The following DNAJB1 variants were observed in gnomAD, a reference collection of about 807,000 sequenced individuals.
The protein encoded by DNAJB1 is DnaJ heat shock protein family (Hsp40) member B1.
DNAJB1 carries 14 observed loss-of-function variants against 24.0 expected under a neutral mutation model. That is an observed-to-expected ratio of 0.58 (90% CI 0.39 to 0.91). The LOEUF is 0.91. DNAJB1 is among the 40% of genes least tolerant of loss of function. DNAJB1 has a pLI of 0.00. For missense variants in DNAJB1, 517 were observed against 458.1 expected (o/e 1.13, Z -1.17); for synonymous variants, 262 against 174.4 (o/e 1.50, Z -3.96).
chr19:14,547,238 T>C (rs914637707), intron 1 of DNAJB1, among the ~76,000 whole-genome samples: 1 of 152,224 alleles, frequency 6.6e-6, no homozygotes, highest in Non-Finnish European at 1.5e-5. Context: ...TGTAAATGTT[T>C]ATGTAAAATT....
At chr19:14,547,533 TG>T (rs1306042309) in intron 1 of DNAJB1, among the ~76,000 whole-genome samples, 7 of 152,280 alleles carry the variant, frequency 4.6e-5, no homozygotes, top group East Asian at 1.9e-4. Flanking sequence ...GCTAATTTTT[TG>T]TATTTTCAGT....
At position 14,539,973 on chromosome 19, in the gene DNAJB1, G is replaced by A. The variant is rs376608128; in HGVS notation, c.-214+10235C>T. Among the ~76,000 whole-genome samples, 6 of 151,042 alleles carry A rather than the reference G, an allele frequency of 4.0e-5. No individual in the cohort carries two copies. In the East Asian group the frequency reaches 5.9e-4, roughly 15 times the overall value. On this transcript the variant is annotated intron_variant, in intron 1 of 3. Coordinates refer to the DNAJB1 transcript ENST00000676982. ...TGGCTCACTGCAACCTCCACCTCCC[G>A]GGTTCAAGTGATTCTCCTGCCTCAG...
chr19:14,518,905 CA>C (rs910658085), upstream of DNAJB1, among the ~76,000 whole-genome samples: 1 of 152,244 alleles, frequency 6.6e-6, no homozygotes, highest in African/African-American at 2.4e-5. Context: ...CTGCCTAACC[CA>C]GGGGCCCCCT....
At chr19:14,544,906 T>G (rs1189911560) in intron 1 of DNAJB1, among the ~76,000 whole-genome samples, 3 of 152,242 alleles carry the variant, frequency 2.0e-5, no homozygotes, top group South Asian at 4.1e-4. Flanking sequence ...GTGCTGGGAT[T>G]ACAGACAAGA....
chr19:14,529,632 C>T (rs546240195), upstream of DNAJB1: 55 of 1,612,540 alleles, frequency 3.4e-5, no homozygotes, highest in South Asian at 2.5e-4. Flanking sequence ...CTGTAGGGAG[C>T]CTGTGCTGTG....
intron 1 of DNAJB1, chr19:14,529,057 G>C (rs1484195795): frequency 6.4e-6 from 1 of 156,644 alleles, no homozygotes. Context: ...GTTCCCAAAT[G>C]GGGAGCTTTT....
chr19:14,556,174 C>CT (rs1432570966), intron 1 of DNAJB1, among the ~76,000 whole-genome samples: 2 of 152,230 alleles, frequency 1.3e-5, no homozygotes, highest in African/African-American at 4.8e-5. Context: ...TCAGGCCACA[C>CT]AGGACTCCTT....
upstream of DNAJB1, among the ~76,000 whole-genome samples, chr19:14,519,529 C>T (rs1408132557): frequency 6.6e-6 from 1 of 152,174 alleles, no homozygotes; most frequent in Non-Finnish European, 1.5e-5. Flanking sequence ...TCCCAAGGTC[C>T]TCCCAGTCCC....
At chr19:14,530,275 C>T (rs1599398471), upstream of DNAJB1, 1 of 162,974 alleles carries the variant, frequency 6.1e-6, no homozygotes, top group Admixed American at 5.7e-5. Context: ...CTACGTCAAC[C>T]CTTGGGTGTC....
intron 2 of DNAJB1, among the ~76,000 whole-genome samples, chr19:14,525,908 G>A (rs756313011): frequency 8.6e-5 from 13 of 151,924 alleles, no homozygotes; most frequent in Non-Finnish European, 1.6e-4. Context: ...ACTTGCTAAC[G>A]AGCCCTGGCT....
upstream of DNAJB1, among the ~76,000 whole-genome samples, chr19:14,552,946 C>G (rs891401022): frequency 6.6e-6 from 1 of 152,182 alleles, no homozygotes; most frequent in East Asian, 1.9e-4. Flanking sequence ...CGGGCGAGAT[C>G]AGCGTCGCTC....
chr19:14,525,280 C>T (rs2072406871), intron 2 of DNAJB1, among the ~76,000 whole-genome samples: 1 of 151,964 alleles, frequency 6.6e-6, no homozygotes, highest in Non-Finnish European at 1.5e-5. Context: ...TTTCCTGGCT[C>T]CTCTCAATTT....
chr19:14,517,794 G>A (rs1013523392), intron 1 of DNAJB1: 9 of 223,788 alleles, frequency 4.0e-5, no homozygotes, highest in Non-Finnish European at 7.0e-5. Flanking sequence ...GCCCAGGTGA[G>A]CCCGGGTCCG....
upstream of DNAJB1, among the ~76,000 whole-genome samples, chr19:14,522,079 G>A (rs577018979): frequency 1.6e-4 from 24 of 152,210 alleles, no homozygotes; most frequent in Admixed American, 9.2e-4. Flanking sequence ...TGGCCTCTGC[G>A]TCAACTTCAG....
chr19:14,550,009 CCTTT>C (rs541071692), intron 1 of DNAJB1, among the ~76,000 whole-genome samples: 8 of 145,658 alleles, frequency 5.5e-5, no homozygotes, highest in East Asian at 3.9e-4. Flanking sequence ...TGTCCCCTTT[CCTTT>C]CTTTCTTCTT....
In DNAJB1 at chr19:14,539,140, ATTTTTTTTTTTTTTTT is replaced by A. The variant is rs57801378; in HGVS notation, c.-214+11052_-214+11067del. Among the ~76,000 whole-genome samples, 297 of 92,554 alleles carry A rather than the reference ATTTTTTTTTTTTTTTT, an allele frequency of 3.2e-3. 3 individuals are homozygous for A. Among genetic ancestry groups the A allele is most frequent in the African/African-American group, 0.013 (295 of 22,022 alleles). 60.7% of individuals were successfully genotyped at this position (92,554 alleles called of 152,430 possible). On this transcript the variant is annotated intron_variant, in intron 1 of 3. Coordinates refer to the DNAJB1 transcript ENST00000676982. ...AGGCGCCCACCACCACGCCCGGCTA[ATTTTTTTTTTTTTTTT>A]TTTTTTTTTTTGTATTTTTAGTAGA...
chr19:14,524,557 T>C (rs539944875), intron 2 of DNAJB1, among the ~76,000 whole-genome samples: 1 of 148,576 alleles, frequency 6.7e-6, no homozygotes. Context: ...TTGGAAAAGA[T>C]CTTCAAGGCT....
chr19:14,557,763 T>C (rs1056502912), intron 1 of DNAJB1, among the ~76,000 whole-genome samples: 3 of 149,864 alleles, frequency 2.0e-5, no homozygotes, highest in Non-Finnish European at 4.4e-5. Context: ...TCATATTTAT[T>C]CTTTTTTTTT....
chr19:14,556,075 C>T (rs181057884), intron 1 of DNAJB1, among the ~76,000 whole-genome samples: 2 of 152,340 alleles, frequency 1.3e-5, no homozygotes, highest in African/African-American at 2.4e-5. Flanking sequence ...AAGCTAACGT[C>T]CTCCCCGTGG....
Sources: allele counts gnomAD v4.1 joint callset (sites outside exome capture counted in the v4.1 genomes callset), GRCh38; gene constraint gnomAD v4.1.1; transcripts MANE v1.5; gene names NCBI Gene and HGNC (gene_info 2026-07-23, HGNC 2026-07-21).